ADK: variants seen among roughly 807,000 people sequenced by gnomAD.
ADK encodes the protein N6,N6-dimethyladenosine kinase.
Under a neutral mutation model 44.7 loss-of-function variants are expected in ADK, and 24 were observed. The observed-to-expected ratio is 0.54, with a 90% confidence interval of 0.39 to 0.76. The LOEUF (loss-of-function observed/expected upper bound fraction) is 0.76. Among genes scored for constraint, ADK ranks in the 30% least tolerant of loss-of-function variants. The probability of loss-of-function intolerance (pLI) is 0.00; values close to 1 mark genes in which losing one functional copy is unlikely to be tolerated. For synonymous variants in ADK, 128 were observed against 142.6 expected, an observed-to-expected ratio of 0.90 and a Z score of 0.73; for missense variants, 321 against 425.1, an observed-to-expected ratio of 0.76 and a Z score of 2.15.
At chr10:74,384,791 A>C (rs1843088266) in intron 4 of ADK, among the ~76,000 whole-genome samples, 1 of 152,232 alleles carries the variant, frequency 6.6e-6, no homozygotes, top group Non-Finnish European at 1.5e-5. Context: ...AACAGAATGA[A>C]GTATTCAGTG....
chr10:74,205,857 A>C (rs1843578222), intron 2 of ADK, among the ~76,000 whole-genome samples: 1 of 152,272 alleles, frequency 6.6e-6, no homozygotes, highest in East Asian at 1.9e-4. Context: ...AACTATGTCG[A>C]TAACTTTCTT....
chr10:74,406,541 G>T (rs201836560), intron 6 of ADK, among the ~76,000 whole-genome samples: 72,512 of 142,930 alleles, frequency 0.51, 19,208 homozygotes, highest in Middle Eastern at 0.71. Context: ...AGAAGAAGAA[G>T]AAGAAGAAGA....
chr10:74,184,759 A>T (rs894024155), intron 1 of ADK, among the ~76,000 whole-genome samples: 1 of 152,222 alleles, frequency 6.6e-6, no homozygotes, highest in Non-Finnish European at 1.5e-5. Flanking sequence ...TTTGGATAAT[A>T]AATTATCTGG....
At chr10:74,299,109 C>T (rs888907233) in intron 3 of ADK, among the ~76,000 whole-genome samples, 11 of 152,004 alleles carry the variant, frequency 7.2e-5, no homozygotes, top group South Asian at 4.1e-4. Context: ...CATCTGCAGA[C>T]GTGAATATTT....
chr10:74,354,498 T>C (rs1432284298), intron 4 of ADK, among the ~76,000 whole-genome samples: 3 of 152,188 alleles, frequency 2.0e-5, no homozygotes, highest in African/African-American at 4.8e-5. Flanking sequence ...ACGTACCAGC[T>C]TTGGAATACT....
intron 7 of ADK, among the ~76,000 whole-genome samples, chr10:74,563,896 A>T (rs908618439): frequency 1.3e-5 from 2 of 151,994 alleles, no homozygotes; most frequent in Admixed American, 6.6e-5. Flanking sequence ...TTATTTATTT[A>T]TTTTTTATTA....
intron 3 of ADK, among the ~76,000 whole-genome samples, chr10:74,302,686 C>CT (rs761467907): frequency 2.6e-4 from 40 of 152,228 alleles, no homozygotes; most frequent in Admixed American, 1.2e-3. Flanking sequence ...GTCCCAGCTA[C>CT]TTGTGGCACT....
At chr10:74,499,666 C>T (rs936169777) in intron 6 of ADK, among the ~76,000 whole-genome samples, 1 of 151,056 alleles carries the variant, frequency 6.6e-6, no homozygotes, top group Non-Finnish European at 1.5e-5. Context: ...CCAGCCTGGG[C>T]GACAGAGCGA....
At chr10:74,170,473 A>G (rs985097992) in intron 1 of ADK, among the ~76,000 whole-genome samples, 1 of 152,154 alleles carries the variant, frequency 6.6e-6, no homozygotes, top group Non-Finnish European at 1.5e-5. Flanking sequence ...CAAAAAGGGC[A>G]GGAGTAAGTT....
chr10:74,353,964 G>A (rs963398296), intron 4 of ADK, among the ~76,000 whole-genome samples: 15 of 152,322 alleles, frequency 9.8e-5, no homozygotes, highest in Non-Finnish European at 1.9e-4. Context: ...TAGATTAGAA[G>A]TGTAGCTTTA....
chr10:74,371,039 A>C (rs1030915296), intron 4 of ADK, among the ~76,000 whole-genome samples: 1 of 152,196 alleles, frequency 6.6e-6, no homozygotes, highest in Non-Finnish European at 1.5e-5. Context: ...TCCTTTTCAA[A>C]CAACACATTA....
At chr10:74,203,887 T>C (rs1041920843) in intron 2 of ADK, among the ~76,000 whole-genome samples, 1 of 151,552 alleles carries the variant, frequency 6.6e-6, no homozygotes, top group African/African-American at 2.4e-5. Context: ...ATTGAATGTA[T>C]AGATAAATAC....
In ADK at chr10:74,267,790, G is replaced by GTCTGTC. The variant is rs1554835953; in HGVS notation, c.194+43200_194+43201insCTGTCT. On this transcript the variant is annotated intron_variant, in intron 3 of 10. Transcript: ENST00000539909. Reference sequence around the variant, plus strand: ...TGTGTGTGTGTGTGTGTGTGTGTGTGTGTCTGTCTGTCTGTTTTAGTGGCT... The same window carrying GTCTGTC: ...TGTGTGTGTGTGTGTGTGTGTGTGTGTCTGTCTGTCTGTCTGTCTGTTTTAGTGGCT... 1.3e-3 allele frequency among the ~76,000 whole-genome samples: 188 copies of GTCTGTC among 145,700 alleles called. 1 individual carries two copies. Among genetic ancestry groups the GTCTGTC allele is most frequent in the East Asian group, 2.6e-3 (13 of 5,038 alleles).
At chr10:74,301,092 A>G (rs1398384794) in intron 3 of ADK, among the ~76,000 whole-genome samples, 2 of 152,250 alleles carry the variant, frequency 1.3e-5, no homozygotes, top group African/African-American at 2.4e-5. Flanking sequence ...AATTTAAATC[A>G]TATGCTATTG....
rs1842407163 is a variant in ADK, at chr10:74,363,552, G to T, written c.274-30589G>T. 2.0e-5 allele frequency among the ~76,000 whole-genome samples: 3 copies of T among 152,102 alleles called. No individual in the cohort carries two copies. In the South Asian group the frequency reaches 6.2e-4, roughly 32 times the overall value. ...AGGAGGAGGGTCTGGATCTGAGACT[G>T]GACCCTCTCAGGATCTGCTGTGGGA... On this transcript the variant is annotated intron_variant, in intron 4 of 10. Transcript: ENST00000539909.
chr10:74,571,046 C>G (rs1850935884), intron 7 of ADK, among the ~76,000 whole-genome samples: 1 of 152,168 alleles, frequency 6.6e-6, no homozygotes, highest in African/African-American at 2.4e-5. Flanking sequence ...TTGAGATAAT[C>G]ATGTGGTTTT....
intron 7 of ADK, among the ~76,000 whole-genome samples, chr10:74,536,600 CT>C (rs77904292): frequency 0.054 from 7,754 of 143,180 alleles, 642 homozygotes; most frequent in African/African-American, 0.18. Context: ...CTCTCCAGAA[CT>C]TTTTTTTTTT....
intron 3 of ADK, among the ~76,000 whole-genome samples, chr10:74,295,651 T>C (rs573761895): frequency 2.0e-5 from 3 of 152,226 alleles, no homozygotes; most frequent in South Asian, 2.1e-4. Context: ...TCAGAAGATA[T>C]TGTCTATGAT....
chr10:74,456,235 C>T lies in ADK; in HGVS notation c.555+57656C>T, dbSNP rs111329303. 1.2e-4 allele frequency among the ~76,000 whole-genome samples: 18 copies of T among 152,274 alleles called. 2 individuals carry two copies. The highest frequency in any genetic ancestry group is 3.6e-4 in the African/African-American group (15 of 41,546). ...CTCCACCCCAAATCAACAGAATATA[C>T]ATTCTTCTCCGCACCACATCGCCCT... On this transcript the variant is annotated intron_variant, in intron 6 of 10. Coordinates refer to ENST00000539909, the MANE Select transcript of ADK (RefSeq NM_006721.4).
Sources: gnomAD v4.1 joint callset for allele counts (sites outside exome capture counted in the v4.1 genomes callset) on GRCh38, gnomAD v4.1.1 for gene constraint, MANE v1.5 for transcripts, NCBI Gene and HGNC (gene_info 2026-07-23, HGNC 2026-07-21) for gene names.